The following ZNF385D variants were observed in gnomAD, a reference collection of about 807,000 sequenced individuals.
The protein encoded by ZNF385D is zinc finger protein 659.
ZNF385D carries 15 observed loss-of-function variants against 35.8 expected under a neutral mutation model. That is an observed-to-expected ratio of 0.42 (90% CI 0.28 to 0.64). The LOEUF is 0.64. ZNF385D is among the 30% of genes least tolerant of loss of function. The pLI, the probability that ZNF385D is intolerant of heterozygous loss-of-function variation, is 0.23. For missense variants in ZNF385D, 474 were observed against 494.6 expected, an observed-to-expected ratio of 0.96 and a Z score of 0.39; for synonymous variants, 212 against 186.8, an observed-to-expected ratio of 1.13 and a Z score of -1.10.
intron 3 of ZNF385D, among the ~76,000 whole-genome samples, chr3:21,555,027 T>A (rs1277421825): frequency 6.6e-6 from 1 of 152,226 alleles, no homozygotes; most frequent in East Asian, 1.9e-4. Flanking sequence ...GTAGTACATC[T>A]AATTACCTTC....
intron 3 of ZNF385D, among the ~76,000 whole-genome samples, chr3:22,109,263 T>C (rs1702386079): frequency 6.6e-6 from 1 of 152,132 alleles, no homozygotes; most frequent in African/African-American, 2.4e-5. Flanking sequence ...CATTCACTTA[T>C]CAACTCAATA....
At chr3:21,999,646 A>G (rs1413456222) in intron 3 of ZNF385D, among the ~76,000 whole-genome samples, 4 of 152,140 alleles carry the variant, frequency 2.6e-5, no homozygotes, top group Non-Finnish European at 4.4e-5. Flanking sequence ...GTGTTCTTAC[A>G]CATTAAATGA....
At chr3:22,335,815 T>C (rs1466252053) in intron 2 of ZNF385D, among the ~76,000 whole-genome samples, 4 of 152,172 alleles carry the variant, frequency 2.6e-5, no homozygotes, top group African/African-American at 7.2e-5. Flanking sequence ...AATTTTAAAA[T>C]ATTAATTTGT....
At chr3:22,009,507 CA>C (rs539150777) in intron 3 of ZNF385D, among the ~76,000 whole-genome samples, 314 of 151,526 alleles carry the variant, frequency 2.1e-3, no homozygotes, top group Non-Finnish European at 3.3e-3. Flanking sequence ...CCTATAGTCC[CA>C]GCTACTCGGG....
chr3:22,129,725 C>T (rs1703661659), intron 3 of ZNF385D, among the ~76,000 whole-genome samples: 2 of 152,024 alleles, frequency 1.3e-5, no homozygotes, highest in Non-Finnish European at 2.9e-5. Flanking sequence ...TTCAGGGTAA[C>T]AGGCTTCCTT....
intron 3 of ZNF385D, among the ~76,000 whole-genome samples, chr3:21,936,665 T>G (rs368403309): frequency 6.6e-6 from 1 of 152,096 alleles, no homozygotes; most frequent in Non-Finnish European, 1.5e-5. Context: ...TTTACAGCCA[T>G]GTATACCCAG....
At chr3:21,490,267 G>A (rs1471936187) in intron 4 of ZNF385D, among the ~76,000 whole-genome samples, 2 of 152,106 alleles carry the variant, frequency 1.3e-5, no homozygotes, top group African/African-American at 2.4e-5. Context: ...CTAGGCTCAA[G>A]AAATCCTCCT....
intron 3 of ZNF385D, among the ~76,000 whole-genome samples, chr3:21,778,742 A>G (rs1056313340): frequency 1.8e-4 from 28 of 151,952 alleles, no homozygotes; most frequent in African/African-American, 6.8e-4. Context: ...AAATTCCCCA[A>G]ATGATCTCGT....
rs79677954 is a variant in ZNF385D at position 21,434,470 on chromosome 3, C to T, written c.673+2500G>A. Among the ~76,000 whole-genome samples, 67 of 152,272 alleles carry T rather than the reference C, an allele frequency of 4.4e-4. 2 individuals carry two copies. In the East Asian group the frequency reaches 0.011, roughly 25 times the overall value. ...TTGTTCCCTGGATTTCCCCATACCA[C>T]ACCCTAGGGAGAAGATATAGAGGGA... On this transcript the variant is annotated intron_variant, in intron 5 of 7. Coordinates refer to ENST00000281523, the MANE Select transcript of ZNF385D (RefSeq NM_024697.3).
At chr3:22,346,134 T>C (rs1178577756) in intron 2 of ZNF385D, among the ~76,000 whole-genome samples, 1 of 152,202 alleles carries the variant, frequency 6.6e-6, no homozygotes, top group Non-Finnish European at 1.5e-5. Context: ...CTGACATACA[T>C]GAATTTATTT....
At chr3:21,583,993 G>C (rs1442233405) in intron 2 of ZNF385D, among the ~76,000 whole-genome samples, 1 of 53,180 alleles carries the variant, frequency 1.9e-5, no homozygotes, top group Non-Finnish European at 4.4e-5. Context: ...TTTATTTTTT[G>C]AGACAGAGTT....
At chr3:21,792,562 C>A (rs2071973771) in intron 3 of ZNF385D, among the ~76,000 whole-genome samples, 1 of 152,146 alleles carries the variant, frequency 6.6e-6, no homozygotes, top group Non-Finnish European at 1.5e-5. Context: ...AGAATCTTTA[C>A]ATCCTTGGTC....
chr3:21,600,033 A>C (rs1288381496), intron 2 of ZNF385D, among the ~76,000 whole-genome samples: 2 of 152,114 alleles, frequency 1.3e-5, no homozygotes, highest in Non-Finnish European at 2.9e-5. Context: ...CACGAGAATG[A>C]CCTCTGGTTG....
intron 2 of ZNF385D, among the ~76,000 whole-genome samples, chr3:22,256,956 A>G (rs1033094793): frequency 3.3e-5 from 5 of 151,846 alleles, no homozygotes; most frequent in Admixed American, 2.6e-4. Context: ...AGGTTAAGGA[A>G]GACTTAGATC....
chr3:22,297,645 G>C (rs146660398), intron 2 of ZNF385D, among the ~76,000 whole-genome samples: 3 of 152,024 alleles, frequency 2.0e-5, no homozygotes, highest in Non-Finnish European at 4.4e-5. Context: ...TCTGACCTCA[G>C]GCTGTTCTTT....
intron 2 of ZNF385D, among the ~76,000 whole-genome samples, chr3:22,221,712 A>C (rs1576518913): frequency 6.6e-6 from 1 of 152,306 alleles, no homozygotes; most frequent in East Asian, 1.9e-4. Context: ...AATGGTTTGC[A>C]AAGCTGACAA....
intron 3 of ZNF385D, among the ~76,000 whole-genome samples, chr3:21,914,647 T>C (rs1304126999): frequency 3.3e-5 from 5 of 152,164 alleles, no homozygotes; most frequent in Middle Eastern, 3.4e-3. Flanking sequence ...CATCACTTCA[T>C]TGTACTGGAA....
At chr3:22,341,515 T>C (rs962157212) in intron 2 of ZNF385D, among the ~76,000 whole-genome samples, 2 of 152,178 alleles carry the variant, frequency 1.3e-5, no homozygotes, top group South Asian at 4.1e-4. Context: ...TCTCTAGAGG[T>C]CAGTCTCCTA....
intron 3 of ZNF385D, among the ~76,000 whole-genome samples, chr3:21,535,767 G>C (rs1296886191): frequency 6.6e-6 from 1 of 151,790 alleles, no homozygotes; most frequent in Non-Finnish European, 1.5e-5. Context: ...ACTTTTACAT[G>C]TGCCCACTGT....
Sources: gnomAD v4.1 joint callset for allele counts (sites outside exome capture counted in the v4.1 genomes callset) on GRCh38, gnomAD v4.1.1 for gene constraint, MANE v1.5 for transcripts, NCBI Gene and HGNC (gene_info 2026-07-23, HGNC 2026-07-21) for gene names.